The following SLC9C1 variants were observed in gnomAD, a reference collection of about 807,000 sequenced individuals.
The protein encoded by SLC9C1 is solute carrier family 9 member C1.
Under a neutral mutation model 140.9 loss-of-function variants are expected in SLC9C1, and 97 were observed. The observed-to-expected ratio is 0.69, with a 90% confidence interval of 0.58 to 0.82. SLC9C1 has a LOEUF of 0.82. SLC9C1 is among the 40% of genes least tolerant of loss of function. The pLI is 0.00. For synonymous variants in SLC9C1, 440 were observed against 442.6 expected, an observed-to-expected ratio of 0.99 and a Z score of 0.07; for missense variants, 1,340 against 1,389.3, an observed-to-expected ratio of 0.96 and a Z score of 0.56.
In SLC9C1 at chr3:112,167,244, C is replaced by G; in HGVS notation, c.3341G>C (p.Ser1114Thr). Reference sequence around the variant, plus strand: ...ACCTATTAATCCTGGTGTAAGATAACTTTTATGTTTAGGAACAAACTTTCT... The same window carrying G: ...ACCTATTAATCCTGGTGTAAGATAAGTTTTATGTTTAGGAACAAACTTTCT... ...NIRKFVPKHK[S>T]YLTPGLIGSV... Residue 1114 changes from serine to threonine, a missense_variant, in exon 26 of 29, where the codon AGT (serine) becomes ACT (threonine). Physicochemically the swap from Ser to Thr is moderately conservative, Grantham distance 58. Coordinates refer to ENST00000305815, the MANE Select transcript of SLC9C1 (RefSeq NM_183061.3). 6.2e-7 allele frequency: 1 copy of G among 1,608,718 alleles called. No individual in the cohort carries two copies. Among genetic ancestry groups the G allele is most frequent in the Non-Finnish European group, 8.5e-7 (1 of 1,177,950 alleles).
In SLC9C1 at chr3:112,141,298, G is replaced by A. The variant is rs1262267391; in HGVS notation, c.3525-17C>T. ...TACTCTTTCCTAATAGAAGCGGAAAGAAAAAACAAAAACATAGAGGGCTTT... is the reference window on the plus strand; with the variant it reads ...TACTCTTTCCTAATAGAAGCGGAAAAAAAAAACAAAAACATAGAGGGCTTT... On this transcript the variant is annotated splice_polypyrimidine_tract_variant and intron_variant, in intron 28 of 28. Transcript: ENST00000305815. The A allele has an allele frequency of 1.3e-6, 2 of 1,578,484 alleles. No individual in the cohort carries two copies. Among genetic ancestry groups the A allele is most frequent in the Non-Finnish European group, 1.7e-6 (2 of 1,163,896 alleles).
At position 112,179,639 on chromosome 3, in the gene SLC9C1, A is replaced by G. The variant is rs1438843752; in HGVS notation, c.2811T>C (p.Phe937=). The G allele has an allele frequency of 6.2e-7, 1 of 1,611,490 alleles. No homozygotes were observed. Among genetic ancestry groups the G allele is most frequent in the South Asian group, 1.1e-5 (1 of 90,312 alleles). The change falls in exon 23 of 29, where the codon TTT becomes TTC. Residue 937 remains phenylalanine, a synonymous_variant. Transcript: ENST00000305815. ...GCATATAGTCTGTGTCAATTATCGG[A>G]AAATCTTTCTCCTTTGACTCCACCA... The part of the protein sequence containing the change: ...DQMVESKEKD[F]PIIDTDYMLS...
At chr3:112,198,769 T>C (rs2077829065) in intron 20 of SLC9C1, among the ~76,000 whole-genome samples, 1 of 152,018 alleles carries the variant, frequency 6.6e-6, no homozygotes, top group Non-Finnish European at 1.5e-5. Flanking sequence ...TCACTACTAT[T>C]ATGCTAAGAA....
rs2078109872 is a variant in SLC9C1 at position 112,208,244 on chromosome 3, G to C, written c.1920C>G (p.Tyr640Ter). ...AGTTAGTGTGTTTTAATTCGCTGTG[G>C]TAGATTACATTTAACTGGGATATCC... ...ISWISQLNVI[Y>*]HSELKHTNYC... is the part of the protein sequence containing the mutation. Residue 640 changes from tyrosine (Y) to a stop codon, truncating the protein, a stop_gained, in exon 16 of 29, where the codon TAC becomes TAG. Coordinates refer to ENST00000305815, the MANE Select transcript of SLC9C1 (RefSeq NM_183061.3). LOFTEE classifies it high-confidence loss of function. 6.2e-7 allele frequency: 1 copy of C among 1,611,832 alleles called. No homozygotes were observed. The highest frequency in any genetic ancestry group is 8.5e-7 in the Non-Finnish European group (1 of 1,178,988).
intron 21 of SLC9C1, 77 bp downstream of exon 21, chr3:112,182,056 A>G: frequency 9.3e-7 from 1 of 1,075,392 alleles, no homozygotes; most frequent in African/African-American, 1.6e-5. Context: ...ACTAGAGAGT[A>G]TCATGGTTAA....
chr3:112,239,245 C>T lies in SLC9C1; in HGVS notation c.1446+595G>A, dbSNP rs148978077. On this transcript the variant is annotated intron_variant, in intron 12 of 28. Transcript: ENST00000305815. ...TGAGCTAGCTCCGTGGGTGTGGGACCCTCCGAGCCAGGTGCGGGATATAAT... is the reference window on the plus strand; with the variant it reads ...TGAGCTAGCTCCGTGGGTGTGGGACTCTCCGAGCCAGGTGCGGGATATAAT... 3.7e-3 allele frequency among the ~76,000 whole-genome samples: 557 copies of T among 152,336 alleles called. 3 individuals are homozygous for T. The highest frequency in any genetic ancestry group is 0.013 in the African/African-American group (532 of 41,588).
At chr3:112,257,307 G>A (rs1559722606) in intron 10 of SLC9C1, among the ~76,000 whole-genome samples, 1 of 152,018 alleles carries the variant, frequency 6.6e-6, no homozygotes, top group East Asian at 1.9e-4. Flanking sequence ...TGTCCAACAG[G>A]GCTACAGTAA....
At position 112,271,553 on chromosome 3, in the gene SLC9C1, TA is replaced by T. The variant is rs765917769; in HGVS notation, c.614-1477del. Among the ~76,000 whole-genome samples the T allele has an allele frequency of 2.4e-4, 36 of 152,068 alleles. 1 individual carries two copies. The highest frequency in any genetic ancestry group is 6.6e-4 in the Admixed American group (10 of 15,244). ...GTTGAAAGAGTTTATTTTCAACTGC[TA>T]AAAGCCACGCTTAAGTTTGTAAAAT... On this transcript the variant is annotated intron_variant, in intron 6 of 28. Transcript: ENST00000305815.
At chr3:112,251,647 A>G (rs1046261053) in intron 10 of SLC9C1, among the ~76,000 whole-genome samples, 2 of 152,166 alleles carry the variant, frequency 1.3e-5, no homozygotes, top group African/African-American at 2.4e-5. Flanking sequence ...GTCATCCACC[A>G]GTAGCAGCAT....
chr3:112,197,328 C>A (rs2077792347), intron 20 of SLC9C1, among the ~76,000 whole-genome samples: 1 of 152,120 alleles, frequency 6.6e-6, no homozygotes, highest in African/African-American at 2.4e-5. Flanking sequence ...GGAGGGCTTA[C>A]AATAATGTGA....
intron 2 of SLC9C1, among the ~76,000 whole-genome samples, chr3:112,285,749 T>C (rs1490525314): frequency 6.6e-6 from 1 of 152,100 alleles, no homozygotes; most frequent in Non-Finnish European, 1.5e-5. Context: ...TGGTATTCAG[T>C]TATAATTTAA....
At chr3:112,273,000 TAA>T (rs1162886932) in intron 6 of SLC9C1, among the ~76,000 whole-genome samples, 1 of 152,136 alleles carries the variant, frequency 6.6e-6, no homozygotes, top group African/African-American at 2.4e-5. Context: ...ATTTCTGATA[TAA>T]GTTTCCCTGA....
chr3:112,241,715 T>C (rs1399165662), intron 11 of SLC9C1, among the ~76,000 whole-genome samples: 1 of 152,146 alleles, frequency 6.6e-6, no homozygotes, highest in Non-Finnish European at 1.5e-5. Flanking sequence ...TAGTCTACAG[T>C]AACCAAAATA....
intron 19 of SLC9C1, 32 bp downstream of exon 19, chr3:112,200,679 T>C (rs770524406): frequency 1.3e-6 from 2 of 1,588,586 alleles, no homozygotes; most frequent in South Asian, 1.1e-5. Flanking sequence ...TGATAAGAGA[T>C]GGTCATGCTA....
chr3:112,242,454 T>C (rs2079162098), intron 11 of SLC9C1, among the ~76,000 whole-genome samples: 1 of 152,154 alleles, frequency 6.6e-6, no homozygotes, highest in Admixed American at 6.6e-5. Flanking sequence ...ATGTTCTCAC[T>C]TATTTGTGGG....
chr3:112,267,232 T>C (rs1208400749), intron 7 of SLC9C1, among the ~76,000 whole-genome samples: 3 of 152,022 alleles, frequency 2.0e-5, no homozygotes, highest in Non-Finnish European at 4.4e-5. Context: ...TGAGCCATGA[T>C]CATGCCACTG....
intron 5 of SLC9C1, among the ~76,000 whole-genome samples, chr3:112,275,727 A>G (rs2080194904): frequency 6.6e-6 from 1 of 152,166 alleles, no homozygotes. Context: ...AACTGCAATC[A>G]CAACCTAACT....
intron 25 of SLC9C1, among the ~76,000 whole-genome samples, chr3:112,167,954 G>A (rs547766026): frequency 3.3e-5 from 5 of 152,232 alleles, no homozygotes; most frequent in African/African-American, 1.2e-4. Flanking sequence ...CTCTCATTAA[G>A]CATTATGTCA....
intron 15 of SLC9C1, among the ~76,000 whole-genome samples, chr3:112,212,105 T>G (rs1369107329): frequency 1.3e-5 from 2 of 152,292 alleles, no homozygotes; most frequent in East Asian, 3.9e-4. Context: ...GGGTCTGGAG[T>G]GGACCTCCAG....
Sources: gnomAD v4.1 joint callset for allele counts (sites outside exome capture counted in the v4.1 genomes callset) on GRCh38, gnomAD v4.1.1 for gene constraint, MANE v1.5 for transcripts, NCBI Gene and HGNC (gene_info 2026-07-23, HGNC 2026-07-21) for gene names.